The following RAB11FIP1 variants were observed in gnomAD, a reference collection of about 807,000 sequenced individuals.
RAB11FIP1 encodes RAB11 family interacting protein 1, also known as rab11 family-interacting protein 1.
RAB11FIP1 carries 49 observed loss-of-function variants against 83.1 expected under a neutral mutation model. That is an observed-to-expected ratio of 0.59 (90% CI 0.47 to 0.75). RAB11FIP1 has a LOEUF of 0.75. Among genes scored for constraint, RAB11FIP1 ranks in the 30% least tolerant of loss-of-function variants. The pLI, the probability that RAB11FIP1 is intolerant of heterozygous loss-of-function variation, is 0.00. For synonymous variants in RAB11FIP1, 670 were observed against 656.0 expected (o/e 1.02, Z -0.33); for missense variants, 1,536 against 1,598.7 (o/e 0.96, Z 0.67).
chr8:37,885,489 G>C (rs1354741920), intron 1 of RAB11FIP1, among the ~76,000 whole-genome samples: 1 of 152,106 alleles, frequency 6.6e-6, no homozygotes, highest in Non-Finnish European at 1.5e-5. Context: ...GCAAAACTGT[G>C]TATTATCCAA....
intron 1 of RAB11FIP1, among the ~76,000 whole-genome samples, chr8:37,894,564 T>C (rs1218532161): frequency 1.3e-5 from 2 of 152,072 alleles, no homozygotes; most frequent in Non-Finnish European, 2.9e-5. Context: ...TCATGGTGTT[T>C]AGTTACACAA....
intron 5 of RAB11FIP1, among the ~76,000 whole-genome samples, chr8:37,868,376 G>A (rs867182854): frequency 6.6e-6 from 1 of 150,718 alleles, no homozygotes; most frequent in African/African-American, 2.4e-5. Flanking sequence ...GAGCCAAGAT[G>A]GCGCCATTGC....
rs762368055 is a variant in RAB11FIP1 at position 37,872,436 on chromosome 8, C to A, written c.2366G>T (p.Arg789Leu). The stretch of plus-strand genomic sequence containing the variant: ...GTTCAGACCCATCTCTTCCAGCTTC[C>A]GCATCATGGAATCAATGGAAGGGAC... ...ASVPSIDSMM[R>L]KLEEMGLNLR... Residue 789 changes from arginine to leucine, a missense_variant, in exon 4 of 6, where the codon CGG becomes CTG. By Grantham distance (102) the Arg-to-Leu change is moderately radical. Coordinates refer to ENST00000330843, the MANE Select transcript of RAB11FIP1 (RefSeq NM_001002814.3). The A allele has an allele frequency of 6.2e-7, 1 of 1,614,114 alleles. No individual in the cohort carries two copies. The highest frequency in any genetic ancestry group is 8.5e-7 in the Non-Finnish European group (1 of 1,180,020).
chr8:37,862,822 A>C lies in RAB11FIP1; in HGVS notation c.*73T>G. Reference sequence around the variant, plus strand: ...GAGCCTGCTGGCTGGTTATCAGGCAAGGCAAGTCCTTGACCCCTGGAGCAG... The same window carrying C: ...GAGCCTGCTGGCTGGTTATCAGGCACGGCAAGTCCTTGACCCCTGGAGCAG... On this transcript the variant is annotated 3_prime_UTR_variant, in exon 6 of 6. Transcript: ENST00000330843. 8.2e-7 allele frequency: 1 copy of C among 1,215,256 alleles called. No individual in the cohort carries two copies. 75.3% of individuals were successfully genotyped at this position (1,215,256 alleles called of 1,614,324 possible).
chr8:37,877,357 G>A lies in RAB11FIP1; in HGVS notation c.566C>T (p.Ala189Val), dbSNP rs777478142. The A allele has an allele frequency of 6.2e-7, 1 of 1,614,150 alleles. No individual in the cohort carries two copies. Residue 189 changes from alanine (A) to valine (V), a missense_variant, in exon 2 of 6, where the codon GCC becomes GTC. Ala to Val is a moderately conservative substitution (Grantham distance 64, BLOSUM62 0). Transcript: ENST00000330843. ...TGTCGTGCTAGGGATGATGGCGGAG[G>A]CGGTGTCTGACCCACTGTCCTTATT... ...GKNKDSGSDTASAIIPSTTPS... is the reference protein window; with the variant it reads ...GKNKDSGSDTVSAIIPSTTPS...
At chr8:37,895,259 A>ATTTTT (rs71216637) in intron 1 of RAB11FIP1, among the ~76,000 whole-genome samples, 2 of 7,390 alleles carry the variant, frequency 2.7e-4, no homozygotes, top group Non-Finnish European at 2.1e-4. Flanking sequence ...ATATATATAT[A>ATTTTT]TTTTTTTTTT....
Position 37,872,521 on chromosome 8 carries a change from C to G in RAB11FIP1, c.2281G>C (p.Glu761Gln). ...TCAGCTGCATCCCTGGCTTTGCTCT[C>G]CACAAGAGACCCAGCCTGACTCTCC... The part of the protein sequence containing the change: ...DLESQAGSLV[E>Q]SKARDAAEEV... The change falls in exon 4 of 6, where the codon GAG becomes CAG. Residue 761 changes from glutamate to glutamine, a missense_variant. By Grantham distance (29) the Glu-to-Gln change is conservative. Transcript: ENST00000330843. 1.2e-6 allele frequency: 2 copies of G among 1,614,252 alleles called. No individual in the cohort carries two copies. Among genetic ancestry groups the G allele is most frequent in the East Asian group, 2.2e-5 (1 of 44,890 alleles).
At chr8:37,868,801 T>C (rs1157424588) in intron 5 of RAB11FIP1, among the ~76,000 whole-genome samples, 1 of 152,140 alleles carries the variant, frequency 6.6e-6, no homozygotes, top group Non-Finnish European at 1.5e-5. Context: ...TGTTTTTTAA[T>C]ATTAGCCCAT....
Position 37,862,667 on chromosome 8 carries a change from T to A in RAB11FIP1, c.*228A>T. 4.2e-6 allele frequency: 2 copies of A among 476,138 alleles called. No homozygotes were observed. Among genetic ancestry groups the A allele is most frequent in the Non-Finnish European group, 7.6e-6 (2 of 263,932 alleles). 29.5% of individuals were successfully genotyped at this position (476,138 alleles called of 1,614,324 possible). On this transcript the variant is annotated 3_prime_UTR_variant, in exon 6 of 6. Coordinates refer to ENST00000330843, the MANE Select transcript of RAB11FIP1 (RefSeq NM_001002814.3). ...GGGCATAAAATATTTACAACCTTGT[T>A]AAAGGCACAGTGGCATTTAAAACTA...
At chr8:37,885,183 C>T (rs147510077) in intron 1 of RAB11FIP1, among the ~76,000 whole-genome samples, 59 of 151,664 alleles carry the variant, frequency 3.9e-4, no homozygotes, top group African/African-American at 1.3e-3. Context: ...TTAGTAGAGA[C>T]GGGGTTTCAC....
At chr8:37,865,937 C>T (rs538248716) in intron 5 of RAB11FIP1, among the ~76,000 whole-genome samples, 3 of 152,080 alleles carry the variant, frequency 2.0e-5, no homozygotes, top group Admixed American at 6.5e-5. Context: ...GTACTTCATA[C>T]GAACCGTCAA....
chr8:37,887,923 G>C (rs1264606480), intron 1 of RAB11FIP1, among the ~76,000 whole-genome samples: 1 of 152,112 alleles, frequency 6.6e-6, no homozygotes, highest in East Asian at 1.9e-4. Context: ...ATATGCCATA[G>C]TTTATCTACC....
chr8:37,877,170 TC>T lies in RAB11FIP1; in HGVS notation c.752del (p.Gly251GlufsTer36). Reference sequence around the variant, plus strand: ...CTTCATCCCACTGGGACTGAAAGTCTCCGGGACGAAGCAGCACTTTTTCTGG... The same window carrying T: ...CTTCATCCCACTGGGACTGAAAGTCTCGGGACGAAGCAGCACTTTTTCTGG... ...SKPEKVLLRPGDFQSQWDEDD... is the reference protein window; with the variant it reads ...SKPEKVLLRPXDFQSQWDEDD... On this transcript the variant is annotated frameshift_variant, in exon 2 of 6. Transcript: ENST00000330843. LOFTEE classifies it high-confidence loss of function. 6.2e-7 allele frequency: 1 copy of T among 1,614,112 alleles called. No individual in the cohort carries two copies. The highest frequency in any genetic ancestry group is 8.5e-7 in the Non-Finnish European group (1 of 1,180,008).
At position 37,872,282 on chromosome 8, in the gene RAB11FIP1, A is replaced by G; in HGVS notation, c.2520T>C (p.Pro840=). The part of the protein sequence containing the change: ...GHSSCPQELN[P]AWSVAGNASD... ...ACGCGTTTCCAGCAACAGACCATGC[A>G]GGGTTCAGCTCCTGGGGACAACTGC... Residue 840 remains proline, a synonymous_variant, in exon 4 of 6, where the codon CCT becomes CCC. Coordinates refer to ENST00000330843, the MANE Select transcript of RAB11FIP1 (RefSeq NM_001002814.3). 2 of 1,613,996 alleles carry G rather than the reference A, an allele frequency of 1.2e-6. No individual in the cohort carries two copies. The highest frequency in any genetic ancestry group is 1.7e-6 in the Non-Finnish European group (2 of 1,179,942).
At chr8:37,892,221 T>G (rs1806960317) in intron 1 of RAB11FIP1, among the ~76,000 whole-genome samples, 1 of 152,078 alleles carries the variant, frequency 6.6e-6, no homozygotes, top group African/African-American at 2.4e-5. Flanking sequence ...ATTTCTTAAA[T>G]CCACCACCTC....
Position 37,871,291 on chromosome 8 carries a change from A to G in RAB11FIP1, c.3511T>C (p.Ser1171Pro), listed in dbSNP as rs1806450768. Residue 1171 changes from serine (S) to proline (P), a missense_variant, in exon 4 of 6, where the codon TCA (serine) becomes CCA (proline). Coordinates refer to ENST00000330843, the MANE Select transcript of RAB11FIP1 (RefSeq NM_001002814.3). ...CCCATCTCTCACCTGTGCTTGGCTG[A>G]CCCAGTTCCAGCGCCTGGCTGAGCT... ...VSAQPGAGTGSAKHRLHPVKP... is the reference protein window; with the variant it reads ...VSAQPGAGTGPAKHRLHPVKP... The G allele has an allele frequency of 6.2e-7, 1 of 1,609,904 alleles. No individual in the cohort carries two copies.
intron 1 of RAB11FIP1, among the ~76,000 whole-genome samples, chr8:37,888,856 G>T (rs552989743): frequency 7.9e-4 from 114 of 143,702 alleles, no homozygotes; most frequent in Non-Finnish European, 1.1e-3. Context: ...GGACTGCAGT[G>T]GCGCTATCTC....
At chr8:37,865,954 A>G (rs1298473098) in intron 5 of RAB11FIP1, among the ~76,000 whole-genome samples, 1 of 152,218 alleles carries the variant, frequency 6.6e-6, no homozygotes, top group East Asian at 1.9e-4. Context: ...TCAAACAGCT[A>G]TTTAATTTGG....
In RAB11FIP1 at chr8:37,862,764, T is replaced by C; in HGVS notation, c.*131A>G. The stretch of plus-strand genomic sequence containing the variant: ...GGCTTCCATTGGTAGAATTCACTCT[T>C]GCCGGATAACATGTGAGGGAGATGG... On this transcript the variant is annotated 3_prime_UTR_variant, in exon 6 of 6. Transcript: ENST00000330843. 1.5e-6 allele frequency: 1 copy of C among 677,392 alleles called. No individual in the cohort carries two copies. The highest frequency in any genetic ancestry group is 1.8e-5 in the South Asian group (1 of 54,876). 42.0% of individuals were successfully genotyped at this position (677,392 alleles called of 1,614,324 possible). A position where few individuals can be genotyped will look rare whatever the true frequency, so the allele number is the denominator to read the frequency against.
Sources: allele counts gnomAD v4.1 joint callset (sites outside exome capture counted in the v4.1 genomes callset), GRCh38; gene constraint gnomAD v4.1.1; transcripts MANE v1.5; gene names NCBI Gene and HGNC (gene_info 2026-07-23, HGNC 2026-07-21).